SLC2A9: variants seen among roughly 807,000 people sequenced by gnomAD.
The protein encoded by SLC2A9 is solute carrier family 2 member 9.
Under a neutral mutation model 50.6 loss-of-function variants are expected in SLC2A9, and 39 were observed. The observed-to-expected ratio is 0.77, with a 90% confidence interval of 0.60 to 1.01. The LOEUF (loss-of-function observed/expected upper bound fraction) is 1.01. Among genes scored for constraint, SLC2A9 ranks in the 50% least tolerant of loss-of-function variants. SLC2A9 has a pLI of 0.00. For missense variants in SLC2A9, 686 were observed against 677.6 expected, an observed-to-expected ratio of 1.01 and a Z score of -0.14; for synonymous variants, 324 against 276.9, an observed-to-expected ratio of 1.17 and a Z score of -1.69.
At chr4:10,036,073 G>T (rs1033260293) in intron 1 of SLC2A9, 1 of 196,610 alleles carries the variant, frequency 5.1e-6, no homozygotes, top group Non-Finnish European at 9.8e-6. Context: ...ATAATCATGT[G>T]AGCCAATTCC....
At chr4:10,000,897 C>T (rs1480936282) in intron 2 of SLC2A9, among the ~76,000 whole-genome samples, 4 of 152,128 alleles carry the variant, frequency 2.6e-5, no homozygotes, top group African/African-American at 9.7e-5. Context: ...TTCTTAACTC[C>T]TGCCCTTGAT....
At chr4:9,936,227 C>T (rs1237355597) in intron 6 of SLC2A9, among the ~76,000 whole-genome samples, 1 of 152,132 alleles carries the variant, frequency 6.6e-6, no homozygotes, top group African/African-American at 2.4e-5. Flanking sequence ...GAACAGGATT[C>T]ATGCCTTTAT....
chr4:9,804,833 A>G (rs1466510571), intron 3 of SLC2A9, among the ~76,000 whole-genome samples: 1 of 152,194 alleles, frequency 6.6e-6, no homozygotes, highest in African/African-American at 2.4e-5. Flanking sequence ...CACTCATGAC[A>G]GCAGAACCCA....
At chr4:9,884,131 T>A (rs1242408995) in intron 10 of SLC2A9, among the ~76,000 whole-genome samples, 3 of 152,248 alleles carry the variant, frequency 2.0e-5, no homozygotes, top group Non-Finnish European at 4.4e-5. Flanking sequence ...TTCTATTGTG[T>A]GAAGCTTCTG....
At chr4:9,887,783 T>TAAA in intron 9 of SLC2A9, 141 bp from the exon 10 acceptor site, 1 of 507,272 alleles carries the variant, frequency 2.0e-6, no homozygotes, top group South Asian at 5.5e-5. Context: ...CTTCAGCATC[T>TAAA]ATAACATGGG....
At chr4:9,772,901 C>T (rs900183625) in intron 1 of SLC2A9, among the ~76,000 whole-genome samples, 3 of 151,548 alleles carry the variant, frequency 2.0e-5, no homozygotes, top group East Asian at 1.9e-4. Flanking sequence ...TATACATGTG[C>T]CATGCTGGTG....
At chr4:9,946,195 T>A (rs1428311011) in intron 5 of SLC2A9, among the ~76,000 whole-genome samples, 1 of 151,514 alleles carries the variant, frequency 6.6e-6, no homozygotes, top group Non-Finnish European at 1.5e-5. Context: ...TCAGCCAAGG[T>A]GATTTTTAAC....
At chr4:9,950,416 C>T (rs150227949) in intron 5 of SLC2A9, among the ~76,000 whole-genome samples, 3 of 152,248 alleles carry the variant, frequency 2.0e-5, no homozygotes, top group South Asian at 4.1e-4. Context: ...ATGCTCCTTC[C>T]CCTATTCCTA....
At chr4:9,842,419 T>C (rs554428870) in intron 10 of SLC2A9, among the ~76,000 whole-genome samples, 5 of 152,344 alleles carry the variant, frequency 3.3e-5, no homozygotes, top group Admixed American at 2.0e-4. Flanking sequence ...TGTGGACTTT[T>C]TTATTCATAA....
At chr4:9,877,405 C>T (rs1734480992) in intron 10 of SLC2A9, among the ~76,000 whole-genome samples, 1 of 152,192 alleles carries the variant, frequency 6.6e-6, no homozygotes, top group African/African-American at 2.4e-5. Context: ...GCAGGAGATT[C>T]AGAGGCAGAC....
At chr4:9,835,880 A>G (rs1263086377) in intron 10 of SLC2A9, among the ~76,000 whole-genome samples, 3 of 152,088 alleles carry the variant, frequency 2.0e-5, no homozygotes, top group African/African-American at 7.2e-5. Flanking sequence ...TGAGGTCAGG[A>G]GTTTGAGACC....
chr4:9,969,777 C>A (rs1753599418), intron 5 of SLC2A9, among the ~76,000 whole-genome samples: 1 of 152,188 alleles, frequency 6.6e-6, no homozygotes, highest in African/African-American at 2.4e-5. Flanking sequence ...AAGACTTATT[C>A]ACTATCATGA....
chr4:9,912,070 C>T (rs1310108557), intron 7 of SLC2A9, among the ~76,000 whole-genome samples: 2 of 152,024 alleles, frequency 1.3e-5, no homozygotes, highest in African/African-American at 2.4e-5. Context: ...TATTCTCACT[C>T]ATAGGTGGGA....
chr4:10,016,106 G>A (rs528862925), intron 2 of SLC2A9, among the ~76,000 whole-genome samples: 73 of 152,344 alleles, frequency 4.8e-4, no homozygotes, highest in African/African-American at 1.6e-3. Flanking sequence ...AAGGACACCA[G>A]GCTAAAAAGC....
intron 10 of SLC2A9, among the ~76,000 whole-genome samples, chr4:9,845,074 C>T (rs955291157): frequency 4.6e-5 from 7 of 151,906 alleles, no homozygotes; most frequent in East Asian, 3.9e-4. Context: ...AGTGCAGTGG[C>T]GCAATCTCGG....
intron 3 of SLC2A9, among the ~76,000 whole-genome samples, chr4:9,785,715 G>A (rs1341419674): frequency 6.6e-6 from 1 of 152,184 alleles, no homozygotes; most frequent in Non-Finnish European, 1.5e-5. Context: ...CTAGATGCTG[G>A]GAATGTAGTT....
At chr4:9,816,693 A>T (rs1454838582) in intron 3 of SLC2A9, among the ~76,000 whole-genome samples, 1 of 152,178 alleles carries the variant, frequency 6.6e-6, no homozygotes, top group Non-Finnish European at 1.5e-5. Context: ...CTACATCTTA[A>T]ATGTCTAGCC....
intron 1 of SLC2A9, among the ~76,000 whole-genome samples, chr4:9,771,920 T>C (rs1716877379): frequency 6.6e-6 from 1 of 152,032 alleles, no homozygotes; most frequent in Admixed American, 6.5e-5. Context: ...AGGACAGCGT[T>C]GGAATGGGTG....
At chr4:9,777,434 C>T (rs1209543618), downstream of SLC2A9, among the ~76,000 whole-genome samples, 2 of 151,970 alleles carry the variant, frequency 1.3e-5, no homozygotes, top group Non-Finnish European at 2.9e-5. Flanking sequence ...TATAAAAACC[C>T]ACCCTATCTG....
Sources: allele counts gnomAD v4.1 joint callset (sites outside exome capture counted in the v4.1 genomes callset), GRCh38; gene constraint gnomAD v4.1.1; transcripts MANE v1.5; gene names NCBI Gene and HGNC (gene_info 2026-07-23, HGNC 2026-07-21).